The following SVBP variants were observed in gnomAD, a reference collection of about 807,000 sequenced individuals.
SVBP encodes the protein small vasohibin-binding protein.
In SVBP, 9 loss-of-function variants were observed where a neutral mutation model predicts 9.2. The ratio of observed to expected loss-of-function variants is 0.98; its 90% CI spans 0.59 to 1.71. SVBP has a LOEUF of 1.71. Ranked by LOEUF, SVBP falls within the 40% of genes most tolerant of loss-of-function variation. The pLI, the probability that SVBP is intolerant of heterozygous loss-of-function variation, is 0.00. For missense variants in SVBP, 63 were observed against 73.2 expected (o/e 0.86, Z 0.51); for synonymous variants, 27 against 23.9 (o/e 1.13, Z -0.37).
At chr1:42,810,388 T>C (rs1486717465) in intron 2 of SVBP, among the ~76,000 whole-genome samples, 4 of 152,110 alleles carry the variant, frequency 2.6e-5, no homozygotes, top group Non-Finnish European at 5.9e-5. Context: ...CCTCGTGATC[T>C]GCCCACCTTG....
intron 2 of SVBP, chr1:42,813,741 G>A: frequency 1.9e-6 from 1 of 530,100 alleles, no homozygotes; most frequent in Non-Finnish European, 3.9e-6. Context: ...CCATTTCTCT[G>A]ATCAATGGTT....
Position 42,809,850 on chromosome 1 carries a change from AGGT to A in SVBP, c.115-2353_115-2351del, listed in dbSNP as rs1654041240. Among the ~76,000 whole-genome samples, 3 of 152,212 alleles carry A rather than the reference AGGT, an allele frequency of 2.0e-5. No individual in the cohort carries two copies. The South Asian group carries it at 6.2e-4, about 32-fold the overall frequency. On this transcript the variant is annotated intron_variant, in intron 2 of 2. Coordinates refer to ENST00000372521, the MANE Select transcript of SVBP (RefSeq NM_199342.4). ...AGCCAGTCACGGTAACATATATAAA[AGGT>A]CAGAAACATTCAAAACAATATATTG... is the stretch of plus-strand genomic sequence containing the variant.
chr1:42,816,334 A>C (rs568746320), intron 2 of SVBP, 97 bp downstream of exon 2: 4 of 882,584 alleles, frequency 4.5e-6, no homozygotes, highest in African/African-American at 1.7e-5. Flanking sequence ...CCTGGAGGCA[A>C]GTATGGCTCG....
intron 2 of SVBP, chr1:42,813,521 T>A: frequency 1.9e-6 from 1 of 535,556 alleles, no homozygotes; most frequent in Non-Finnish European, 3.8e-6. Context: ...ATGGGTAAAT[T>A]TATAATTTCT....
At chr1:42,811,134 G>A (rs998961378) in intron 2 of SVBP, among the ~76,000 whole-genome samples, 22 of 150,114 alleles carry the variant, frequency 1.5e-4, no homozygotes, top group African/African-American at 3.5e-4. Context: ...GCGAGACTCC[G>A]TCTCAAAACA....
chr1:42,808,149 G>GTATATATATATATA (rs781743959), intron 2 of SVBP, among the ~76,000 whole-genome samples: 20 of 58,186 alleles, frequency 3.4e-4, no homozygotes, highest in East Asian at 2.2e-3. Context: ...GTGTGTGTGT[G>GTATATATATATATA]TATATATATA....
intron 1 of SVBP, 101 bp downstream of exon 1, chr1:42,817,089 C>T: frequency 1.2e-6 from 1 of 848,910 alleles, no homozygotes; most frequent in South Asian, 3.5e-5. Flanking sequence ...CCCCGGCCCG[C>T]CCGGCCCCAG....
At chr1:42,808,858 G>A (rs1053638658) in intron 2 of SVBP, among the ~76,000 whole-genome samples, 12 of 151,874 alleles carry the variant, frequency 7.9e-5, no homozygotes, top group East Asian at 1.9e-4. Context: ...CACCAAACCC[G>A]GCTAAGTTTT....
At chr1:42,815,179 G>C (rs1304779391) in intron 2 of SVBP, among the ~76,000 whole-genome samples, 1 of 141,764 alleles carries the variant, frequency 7.1e-6, no homozygotes, top group African/African-American at 2.6e-5. Flanking sequence ...GAGAACACTT[G>C]GACACAGGAA....
intron 2 of SVBP, among the ~76,000 whole-genome samples, chr1:42,814,223 A>AC (rs1654148134): frequency 3.8e-5 from 2 of 52,032 alleles, no homozygotes; most frequent in African/African-American, 2.5e-4. Flanking sequence ...CTGGGACTAC[A>AC]GGGAGCACCA....
chr1:42,808,400 A>G (rs1208572788), intron 2 of SVBP, among the ~76,000 whole-genome samples: 3 of 145,260 alleles, frequency 2.1e-5, no homozygotes. Flanking sequence ...TATATATAGT[A>G]TATAAGCTAT....
intron 1 of SVBP, 46 bp downstream of exon 1, chr1:42,817,144 A>G (rs1654242281): frequency 8.3e-7 from 1 of 1,200,004 alleles, no homozygotes; most frequent in Non-Finnish European, 1.1e-6. Context: ...CTGGAGGAAA[A>G]TGGCGGTCGC....
Position 42,816,533 on chromosome 1 carries a change from A to C in SVBP, c.12T>G (p.Pro4=), listed in dbSNP as rs749174274. The part of the protein sequence containing the change: MDP[P]ARKEKTKVKE... ...TAACTTTGGTTTTTTCTTTACGTGC[A>C]GGTGGATCCATGGCTTGACTTCTGG... The change falls in exon 2 of 3, where the codon CCT becomes CCG. Residue 4 remains proline, a synonymous_variant. Coordinates refer to ENST00000372521, the MANE Select transcript of SVBP (RefSeq NM_199342.4). 1 of 1,613,146 alleles carries C rather than the reference A, an allele frequency of 6.2e-7. No individual in the cohort carries two copies. The highest frequency in any genetic ancestry group is 8.5e-7 in the Non-Finnish European group (1 of 1,179,142).
At chr1:42,813,305 C>T (rs889327375) in intron 2 of SVBP, 2 of 298,394 alleles carry the variant, frequency 6.7e-6, no homozygotes, top group African/African-American at 2.2e-5. Flanking sequence ...AAAGGAATTC[C>T]ATTAATTATA....
Position 42,816,424 on chromosome 1 carries a change from A to C in SVBP, c.114+7T>G, listed in dbSNP as rs563727581. ...ACAGGCATACAGAGCCTCCGCCTTAATCTCACCTCTGCTCTTTGTCTCTGC... is the reference window on the plus strand; with the variant it reads ...ACAGGCATACAGAGCCTCCGCCTTACTCTCACCTCTGCTCTTTGTCTCTGC... On this transcript the variant is annotated splice_region_variant and intron_variant, in intron 2 of 2. Transcript: ENST00000372521. The C allele has an allele frequency of 2.5e-6, 4 of 1,578,094 alleles. No homozygotes were observed. The highest frequency in any genetic ancestry group is 4.5e-5 in the East Asian group (2 of 44,688).
intron 2 of SVBP, among the ~76,000 whole-genome samples, chr1:42,809,866 A>C (rs1473020144): frequency 6.6e-6 from 1 of 152,192 alleles, no homozygotes; most frequent in Admixed American, 6.5e-5. Context: ...GAAACATTCA[A>C]AACAATATAT....
In SVBP at chr1:42,807,237, C is replaced by A; in HGVS notation, c.*177G>T. 2.4e-6 allele frequency: 1 copy of A among 424,912 alleles called. No homozygotes were observed. The highest frequency in any genetic ancestry group is 3.4e-5 in the East Asian group (1 of 29,400). 26.3% of individuals were successfully genotyped at this position (424,912 alleles called of 1,614,324 possible). On this transcript the variant is annotated 3_prime_UTR_variant, in exon 3 of 3. Coordinates refer to ENST00000372521, the MANE Select transcript of SVBP (RefSeq NM_199342.4). The stretch of plus-strand genomic sequence containing the variant: ...ACAAGTCTCTTCAGCAAGCATGTGG[C>A]CAATTCAGATGGGAGGAACCAGTGA...
chr1:42,811,794 C>G (rs1654089751), intron 2 of SVBP, among the ~76,000 whole-genome samples: 1 of 152,068 alleles, frequency 6.6e-6, no homozygotes, highest in Non-Finnish European at 1.5e-5. Context: ...TATGGAGGAG[C>G]TGAGATTTGA....
intron 2 of SVBP, chr1:42,816,106 G>C (rs72958986): frequency 0.043 from 10,429 of 244,678 alleles, 366 homozygotes; most frequent in African/African-American, 0.1. Flanking sequence ...ATCTGTACTG[G>C]GGGTGTCTGA....
Sources: gnomAD v4.1 joint callset for allele counts (sites outside exome capture counted in the v4.1 genomes callset) on GRCh38, gnomAD v4.1.1 for gene constraint, MANE v1.5 for transcripts, NCBI Gene and HGNC (gene_info 2026-07-23, HGNC 2026-07-21) for gene names.